The following KIAA0586 variants were observed in gnomAD, a reference collection of about 807,000 sequenced individuals.
The protein encoded by KIAA0586 is KIAA0586.
KIAA0586 carries 144 observed loss-of-function variants against 169.8 expected under a neutral mutation model. The observed-to-expected ratio is 0.85, with a 90% CI of 0.74 to 0.97. The LOEUF is 0.97. KIAA0586 is among the 50% of genes least tolerant of loss of function. KIAA0586 has a pLI of 0.00. For missense variants in KIAA0586, 1,854 were observed against 1,823.0 expected, an observed-to-expected ratio of 1.02 and a Z score of -0.31; for synonymous variants, 625 against 612.4, an observed-to-expected ratio of 1.02 and a Z score of -0.30.
intron 29 of KIAA0586, chr14:58,521,624 A>C: frequency 9.5e-7 from 1 of 1,054,120 alleles, no homozygotes. Flanking sequence ...GGGATCTTCC[A>C]AGTCTGGAAA....
intron 29 of KIAA0586, among the ~76,000 whole-genome samples, chr14:58,528,588 C>T (rs550228215): frequency 2.6e-5 from 4 of 152,312 alleles, no homozygotes; most frequent in African/African-American, 9.6e-5. Context: ...ACTGAACAAC[C>T]TGCTCCTGAG....
In KIAA0586 at chr14:58,490,207, C is replaced by A; in HGVS notation, c.3825C>A (p.Ser1275Arg). The A allele has an allele frequency of 6.5e-7, 1 of 1,543,752 alleles. No homozygotes were observed. Among genetic ancestry groups the A allele is most frequent in the East Asian group, 2.4e-5 (1 of 41,946 alleles). Reference protein sequence around the residue: ...IGLYLTNLNDSLSSTLHDAVE... With the variant: ...IGLYLTNLNDRLSSTLHDAVE... ...TGTACCTGACAAACCTTAATGATAG[C>A]TTATCCAGCACTCTGCATGATGCCG... Residue 1275 changes from serine to arginine, a missense_variant, in exon 25 of 31, where the codon AGC becomes AGA. Ser to Arg is a moderately radical substitution (Grantham distance 110). Transcript: ENST00000652326.
chr14:58,512,781 G>A (rs918221240), intron 29 of KIAA0586, among the ~76,000 whole-genome samples, 154 bp downstream of exon 29: 10 of 151,788 alleles, frequency 6.6e-5, no homozygotes, highest in Non-Finnish European at 1.5e-4. Flanking sequence ...ATGAAGAATC[G>A]GTATTGTATT....
intron 3 of KIAA0586, 133 bp downstream of exon 3, chr14:58,430,850 C>G: frequency 1.7e-6 from 1 of 577,616 alleles, no homozygotes; most frequent in Non-Finnish European, 3.0e-6. Flanking sequence ...CCTTTCATAT[C>G]CAGAGCTTTG....
At chr14:58,557,201 A>T in the KIAA0586 span, among the ~76,000 whole-genome samples, 1 of 152,214 alleles carries the variant, frequency 6.6e-6, no homozygotes, top group East Asian at 1.9e-4. Flanking sequence ...TAGTAGACAG[A>T]TGGACTGATT....
chr14:58,441,039 T>C (rs548145650), intron 4 of KIAA0586: 1 of 191,660 alleles, frequency 5.2e-6, no homozygotes, highest in East Asian at 1.3e-4. Context: ...ATGGGTATGC[T>C]AATAGCTTGA....
At chr14:58,446,849 A>G (rs1365007563) in intron 6 of KIAA0586, among the ~76,000 whole-genome samples, 2 of 152,102 alleles carry the variant, frequency 1.3e-5, no homozygotes, top group Admixed American at 6.6e-5. Flanking sequence ...GAGTCTATAA[A>G]CTATTAGTTT....
intron 16 of KIAA0586, among the ~76,000 whole-genome samples, chr14:58,469,372 A>G (rs1005887023): frequency 3.9e-5 from 6 of 152,308 alleles, no homozygotes; most frequent in African/African-American, 1.4e-4. Flanking sequence ...AACTCCCAAC[A>G]TGAACCCAAG....
intron 29 of KIAA0586, among the ~76,000 whole-genome samples, chr14:58,530,042 A>G (rs1042629067): frequency 5.3e-5 from 8 of 152,232 alleles, no homozygotes; most frequent in Admixed American, 5.2e-4. Context: ...CAAAAATCAC[A>G]AGCATTCCTA....
rs569676187 is a variant in KIAA0586 at position 58,446,245 on chromosome 14, C to T, written c.807+2070C>T. 1.2e-4 allele frequency among the ~76,000 whole-genome samples: 18 copies of T among 151,954 alleles called. 1 individual carries two copies. The highest frequency in any genetic ancestry group is 4.1e-4 in the African/African-American group (17 of 41,468). On this transcript the variant is annotated intron_variant, in intron 6 of 30. Coordinates refer to ENST00000652326, the MANE Select transcript of KIAA0586 (RefSeq NM_001329943.3). ...GCACAGTGGCTCATCCCTATAATCCCAGCACTTTGGGAGGCCGAGGTGGGT... is the reference window on the plus strand; with the variant it reads ...GCACAGTGGCTCATCCCTATAATCCTAGCACTTTGGGAGGCCGAGGTGGGT...
At chr14:58,533,701 A>G (rs1033392014) in intron 29 of KIAA0586, among the ~76,000 whole-genome samples, 6 of 152,180 alleles carry the variant, frequency 3.9e-5, no homozygotes, top group East Asian at 1.9e-4. Flanking sequence ...GGCAGGGCCT[A>G]TACAGCTGTG....
At chr14:58,487,803 T>C (rs2042564961) in intron 22 of KIAA0586, 84 bp from the exon 23 acceptor site, 2 of 761,550 alleles carry the variant, frequency 2.6e-6, no homozygotes, top group African/African-American at 1.8e-5. Context: ...TGGTAAGGGA[T>C]ATCTGAAGCA....
At chr14:58,506,888 T>G (rs1213169286) in intron 27 of KIAA0586, among the ~76,000 whole-genome samples, 2 of 15,356 alleles carry the variant, frequency 1.3e-4, no homozygotes, top group Non-Finnish European at 1.8e-4. Context: ...GGCTCATGCC[T>G]GTAATCCCAG....
Position 58,490,494 on chromosome 14 carries a change from A to G in KIAA0586, c.3858+254A>G, listed in dbSNP as rs186862291. On this transcript the variant is annotated intron_variant, in intron 25 of 30. Transcript: ENST00000652326. ...TACATTTAATGTAATTAGGTAATGA[A>G]ATCTAGCTGATTGCAAATTGTTACC... Among the ~76,000 whole-genome samples, 199 of 152,294 alleles carry G rather than the reference A, an allele frequency of 1.3e-3. 3 individuals carry two copies. Among genetic ancestry groups the G allele is most frequent in the Non-Finnish European group, 1.9e-4 (13 of 68,020 alleles).
intron 4 of KIAA0586, among the ~76,000 whole-genome samples, chr14:58,439,023 G>A (rs1056470364): frequency 8.5e-5 from 13 of 152,168 alleles, no homozygotes; most frequent in Admixed American, 2.6e-4. Context: ...GAAACCTTAC[G>A]GTTGAGAGAG....
At position 58,461,180 on chromosome 14, in the gene KIAA0586, A is replaced by G. The variant is rs376139794; in HGVS notation, c.2059+20A>G. 8 of 1,499,124 alleles carry G rather than the reference A, an allele frequency of 5.3e-6. No homozygotes were observed. In the African/African-American group the frequency reaches 1.1e-4, roughly 21 times the overall value. The allele number at this position is 1,499,124 out of a possible 1,614,324, so 92.9% of individuals were successfully genotyped here. On this transcript the variant is annotated intron_variant, in intron 14 of 30. Coordinates refer to ENST00000652326, the MANE Select transcript of KIAA0586 (RefSeq NM_001329943.3). ...TTAAAGGTAAGGAATCTCATTTTTA[A>G]TGTTTAATCTCATTTCTTAATAGTA...
At chr14:58,544,143 G>A (rs1266713316) in intron 30 of KIAA0586, among the ~76,000 whole-genome samples, 1 of 152,148 alleles carries the variant, frequency 6.6e-6, no homozygotes, top group Admixed American at 6.5e-5. Flanking sequence ...TCCTGCATTA[G>A]TTTGCAAAGG....
rs768024676 is a variant in KIAA0586, at chr14:58,453,350, G to C, written c.1130G>C (p.Gly377Ala). 4 of 1,273,320 alleles carry C rather than the reference G, an allele frequency of 3.1e-6. No homozygotes were observed. The highest frequency in any genetic ancestry group is 4.4e-4 in the Middle Eastern group (2 of 4,560). The allele number at this position is 1,273,320 out of a possible 1,614,324, so 78.9% of individuals were successfully genotyped here. Residue 377 changes from glycine to alanine, a missense_variant and splice_region_variant, in exon 9 of 31, where the codon GGA becomes GCA. Transcript: ENST00000652326. ...TGATACTATATCTCTTCTATTTCAG[G>C]AAATGTAAGACTATTGGAACAAATT... ...KENMEVSCHR[G>A]NVRLLEQILN...
intron 27 of KIAA0586, among the ~76,000 whole-genome samples, chr14:58,499,294 T>C (rs770317993): frequency 5.3e-5 from 8 of 151,900 alleles, no homozygotes; most frequent in Non-Finnish European, 1.0e-4. Context: ...GCTCTGTCAC[T>C]CAGGCTGGAG....
Sources: gnomAD v4.1 joint callset for allele counts (sites outside exome capture counted in the v4.1 genomes callset) on GRCh38, gnomAD v4.1.1 for gene constraint, MANE v1.5 for transcripts, NCBI Gene and HGNC (gene_info 2026-07-23, HGNC 2026-07-21) for gene names.